MYOF: variants seen among roughly 807,000 people sequenced by gnomAD.
MYOF encodes fer-1-like 3, myoferlin.
MYOF carries 244 observed loss-of-function variants against 284.2 expected under a neutral mutation model. That is an observed-to-expected ratio of 0.86 (90% confidence interval 0.77 to 0.95). MYOF has a LOEUF of 0.95. Among genes scored for constraint, MYOF ranks in the 40% least tolerant of loss-of-function variants. The probability of loss-of-function intolerance (pLI) is 0.00; values close to 1 mark genes in which losing one functional copy is unlikely to be tolerated. For missense variants in MYOF, 2,496 were observed against 2,560.6 expected (o/e 0.97, Z 0.54); for synonymous variants, 904 against 919.7 (o/e 0.98, Z 0.31).
Position 93,381,162 on chromosome 10 carries a change from G to A in MYOF, c.1876+57C>T, listed in dbSNP as rs149394710. 35 of 1,566,232 alleles carry A rather than the reference G, an allele frequency of 2.2e-5. No individual in the cohort carries two copies. The East Asian group carries it at 6.7e-4, about 30-fold the overall frequency. On this transcript the variant is annotated intron_variant, in intron 20 of 53. Coordinates refer to ENST00000359263, the MANE Select transcript of MYOF (RefSeq NM_013451.4). The stretch of plus-strand genomic sequence containing the variant: ...GAGGGAAGACACAGTGCTTGCTTCC[G>A]GTCCCGTGGTGCACCCATTGTAAAC...
At chr10:93,330,821 G>C (rs1057370469) in intron 43 of MYOF, among the ~76,000 whole-genome samples, 36 of 152,180 alleles carry the variant, frequency 2.4e-4, no homozygotes, top group Admixed American at 2.6e-4. Flanking sequence ...CCTGCCCAAA[G>C]AGCCAGGAAT....
chr10:93,442,956 C>T (rs1056455967), intron 3 of MYOF, among the ~76,000 whole-genome samples: 2 of 152,146 alleles, frequency 1.3e-5, no homozygotes, highest in African/African-American at 2.4e-5. Flanking sequence ...GCCAGGAGTT[C>T]GAGACCAGCC....
At chr10:93,423,857 A>G (rs576586365) in intron 5 of MYOF, among the ~76,000 whole-genome samples, 1 of 151,984 alleles carries the variant, frequency 6.6e-6, no homozygotes, top group East Asian at 1.9e-4. Context: ...AAACCAAAAA[A>G]TCAAAAACAG....
chr10:93,341,949 T>C (rs1300107432), intron 38 of MYOF: 3 of 1,289,846 alleles, frequency 2.3e-6, no homozygotes, highest in Non-Finnish European at 3.0e-6. Context: ...TGCTGAGTGC[T>C]GTTGACATAC....
At position 93,406,210 on chromosome 10, in the gene MYOF, C is replaced by T. The variant is rs561297330; in HGVS notation, c.730-1991G>A. ...CTGATCTCCAATGATCTACCCACCT[C>T]GGCCTCCCAAAGTGCCAGTATTACA... On this transcript the variant is annotated intron_variant, in intron 7 of 53. Transcript: ENST00000359263. Among the ~76,000 whole-genome samples the T allele has an allele frequency of 4.1e-4, 60 of 146,286 alleles. 1 individual carries two copies. Among genetic ancestry groups the T allele is most frequent in the South Asian group, 2.7e-3 (12 of 4,522 alleles).
At chr10:93,381,950 T>A (rs897313120) in intron 19 of MYOF, among the ~76,000 whole-genome samples, 2 of 152,122 alleles carry the variant, frequency 1.3e-5, no homozygotes, top group African/African-American at 2.4e-5. Flanking sequence ...GGCACGAGAA[T>A]CTCTTGAACT....
Position 93,356,814 on chromosome 10 carries a change from T to A in MYOF, c.3155A>T (p.Glu1052Val). ...TTTCCAGCCAATTAGAGAAGCATAT[T>A]CCCAGCCCTCTTGGTCTTGCAATTC... ...MEELQDQEGW[E>V]YASLIGWKFH... Residue 1052 changes from glutamate to valine, a missense_variant, in exon 30 of 54, where the codon GAA becomes GTA. Coordinates refer to ENST00000359263, the MANE Select transcript of MYOF (RefSeq NM_013451.4). 6.2e-7 allele frequency: 1 copy of A among 1,613,946 alleles called. No homozygotes were observed. The highest frequency in any genetic ancestry group is 1.1e-5 in the South Asian group (1 of 91,048).
At chr10:93,364,594 G>A (rs1462387427) in intron 26 of MYOF, among the ~76,000 whole-genome samples, 3 of 152,122 alleles carry the variant, frequency 2.0e-5, no homozygotes, top group African/African-American at 7.2e-5. Context: ...AGAGTTCCTA[G>A]GTAGACAGCC....
In MYOF at chr10:93,349,900, C is replaced by T. The variant is rs1272608217; in HGVS notation, c.3991G>A (p.Val1331Met). Residue 1331 changes from valine to methionine, a missense_variant, in exon 36 of 54, where the codon GTG (valine) becomes ATG (methionine). Around this residue, in one of 3 missense-constraint regions of MYOF, gnomAD observed 2,436 missense variants for 2,480.7 expected, o/e 0.98. Coordinates refer to ENST00000359263, the MANE Select transcript of MYOF (RefSeq NM_013451.4). ...TCCACCCTTTCTCCTCCACACTCCACAACAAGACTGGGGGATGTGATAGAA... is the reference window on the plus strand; with the variant it reads ...TCCACCCTTTCTCCTCCACACTCCATAACAAGACTGGGGGATGTGATAGAA... ...MASITSPSLV[V>M]ECGGERVESV... 9 of 1,613,992 alleles carry T rather than the reference C, an allele frequency of 5.6e-6. No homozygotes were observed. The highest frequency in any genetic ancestry group is 6.8e-6 in the Non-Finnish European group (8 of 1,180,024).
intron 1 of MYOF, among the ~76,000 whole-genome samples, chr10:93,472,151 T>G (rs1479464979): frequency 6.6e-6 from 1 of 152,140 alleles, no homozygotes; most frequent in African/African-American, 2.4e-5. Flanking sequence ...CTGCAGCAAT[T>G]CTCACTCTGA....
At chr10:93,333,695 T>A in intron 42 of MYOF, 63 bp downstream of exon 42, 1 of 1,580,310 alleles carries the variant, frequency 6.3e-7, no homozygotes, top group African/African-American at 1.3e-5. Context: ...AACATGACAA[T>A]TATTGTGGCT....
chr10:93,475,195 C>T (rs563978226), intron 1 of MYOF, among the ~76,000 whole-genome samples: 6 of 152,164 alleles, frequency 3.9e-5, no homozygotes, highest in Non-Finnish European at 8.8e-5. Flanking sequence ...TATCAAATGT[C>T]CCATAACTTT....
chr10:93,347,318 C>T (rs1047396839), intron 37 of MYOF, among the ~76,000 whole-genome samples: 10 of 151,262 alleles, frequency 6.6e-5, no homozygotes, highest in Middle Eastern at 3.4e-3. Flanking sequence ...TTTGGGAGGC[C>T]GAGGCGGGTG....
At chr10:93,443,470 C>G (rs28591223) in intron 3 of MYOF, among the ~76,000 whole-genome samples, 5,697 of 117,456 alleles carry the variant, frequency 0.049, 117 homozygotes, top group Non-Finnish European at 0.063. Flanking sequence ...CTCTCTCTCT[C>G]TCTGTGTGTG....
intron 1 of MYOF, among the ~76,000 whole-genome samples, chr10:93,475,595 G>C (rs551202133): frequency 2.6e-5 from 4 of 152,174 alleles, no homozygotes; most frequent in Non-Finnish European, 4.4e-5. Context: ...TCACATTAAG[G>C]TGTCTGAAAT....
intron 49 of MYOF, among the ~76,000 whole-genome samples, chr10:93,319,585 G>T (rs1017810872): frequency 9.9e-5 from 15 of 152,122 alleles, no homozygotes; most frequent in Admixed American, 7.2e-4. Context: ...TTGGGTTGTT[G>T]TTTATACTAA....
At chr10:93,399,337 C>G (rs1489823897) in intron 13 of MYOF, 55 bp downstream of exon 13, 2 of 1,342,194 alleles carry the variant, frequency 1.5e-6, no homozygotes, top group Non-Finnish European at 2.1e-6. Flanking sequence ...AAGGAAAGCA[C>G]AGTAGTTTTA....
intron 12 of MYOF, 86 bp downstream of exon 12, chr10:93,401,332 A>G: frequency 2.0e-6 from 3 of 1,534,968 alleles, no homozygotes; most frequent in Non-Finnish European, 2.6e-6. Flanking sequence ...CGATAGGGAC[A>G]CGAATCACTA....
rs371334377 is a variant in MYOF, at chr10:93,325,979, C to T, written c.5132-14G>A. The T allele has an allele frequency of 2.4e-4, 392 of 1,613,920 alleles. 2 individuals carry two copies. The African/African-American group carries it at 4.3e-3, about 18-fold the overall frequency. On this transcript the variant is annotated splice_polypyrimidine_tract_variant and intron_variant, in intron 45 of 53. Coordinates refer to ENST00000359263, the MANE Select transcript of MYOF (RefSeq NM_013451.4). ...TTTTGTTGGCTTCTGCAATGGAAAG[C>T]AGCATTGAAGCAGGAATGAGTATTT...
Sources: gnomAD v4.1 joint callset for allele counts (sites outside exome capture counted in the v4.1 genomes callset) on GRCh38, gnomAD v4.1.1 for gene constraint, gnomAD v4.1.1 regional missense constraint, MANE v1.5 for transcripts, NCBI Gene and HGNC (gene_info 2026-07-23, HGNC 2026-07-21) for gene names.